The following IMMP2L variants were observed in gnomAD, a reference collection of about 807,000 sequenced individuals.
The protein encoded by IMMP2L is inner mitochondrial membrane peptidase subunit 2.
A neutral mutation model predicts 19.3 loss-of-function variants in IMMP2L; 18 were observed. The observed-to-expected ratio is 0.93, with a 90% CI of 0.64 to 1.38. IMMP2L has a LOEUF of 1.38. Ranked by LOEUF, IMMP2L falls within the 40% of genes most tolerant of loss-of-function variation. IMMP2L has a pLI of 0.00. For synonymous variants in IMMP2L, 76 were observed against 73.0 expected (o/e 1.04, Z -0.21); for missense variants, 233 against 218.2 (o/e 1.07, Z -0.43).
In IMMP2L at chr7:110,877,932, C is replaced by A. The variant is rs558422360; in HGVS notation, c.408+8661G>T. On this transcript the variant is annotated intron_variant, in intron 5 of 5. Coordinates refer to ENST00000405709, the MANE Select transcript of IMMP2L (RefSeq NM_032549.4). The surrounding 1 kb of genome is among the most constrained non-coding windows in gnomAD (Gnocchi z 4.0). ...AATAAAAAACAAAAAACAAAAAGCA[C>A]AATGGATTGATTCCAAATGCCATGA... is the stretch of plus-strand genomic sequence containing the variant. Among the ~76,000 whole-genome samples the A allele has an allele frequency of 2.0e-5, 3 of 152,076 alleles. No individual in the cohort carries two copies. The highest frequency in any genetic ancestry group is 4.4e-5 in the Non-Finnish European group (3 of 67,994).
intron 4 of IMMP2L, among the ~76,000 whole-genome samples, chr7:110,952,720 A>G (rs945275845): frequency 3.9e-5 from 6 of 152,232 alleles, no homozygotes; most frequent in Non-Finnish European, 5.9e-5. Context: ...GATTCTTCCT[A>G]TTTAAGCTAA....
At chr7:111,491,928 G>A (rs1843142931) in intron 2 of IMMP2L, among the ~76,000 whole-genome samples, 1 of 151,582 alleles carries the variant, frequency 6.6e-6, no homozygotes, top group Admixed American at 6.6e-5. Flanking sequence ...AATAGTGAAG[G>A]AACAAAAGGT....
intron 5 of IMMP2L, among the ~76,000 whole-genome samples, chr7:110,693,055 G>C (rs953365559): frequency 2.0e-4 from 31 of 152,160 alleles, no homozygotes; most frequent in African/African-American, 7.5e-4. Context: ...ATTCAAGTTT[G>C]AGATCAACTG....
chr7:111,433,097 A>G (rs888329776), intron 3 of IMMP2L, among the ~76,000 whole-genome samples: 1 of 151,794 alleles, frequency 6.6e-6, no homozygotes, highest in Admixed American at 6.6e-5. Flanking sequence ...CAATTGGCTC[A>G]CAGTTCTGCA....
At chr7:110,940,867 T>G (rs1411594797) in intron 4 of IMMP2L, among the ~76,000 whole-genome samples, 1 of 152,136 alleles carries the variant, frequency 6.6e-6, no homozygotes, top group African/African-American at 2.4e-5. Flanking sequence ...ATGAAAGAAC[T>G]TGCAAAGTCT....
At chr7:110,719,905 T>C (rs549345536) in intron 5 of IMMP2L, among the ~76,000 whole-genome samples, 3 of 152,190 alleles carry the variant, frequency 2.0e-5, no homozygotes, top group Non-Finnish European at 4.4e-5. Flanking sequence ...CTAGCCAAAA[T>C]ATCAAGTAAA....
intron 3 of IMMP2L, among the ~76,000 whole-genome samples, chr7:111,037,340 C>T (rs12540013): frequency 0.48 from 72,734 of 151,756 alleles, 18,545 homozygotes; most frequent in Non-Finnish European, 0.58. Flanking sequence ...GGAATGCAAC[C>T]GATAAGATAT....
chr7:111,478,087 C>T lies in IMMP2L; in HGVS notation c.239+9151G>A, dbSNP rs369836720. On this transcript the variant is annotated intron_variant, in intron 3 of 5. Transcript: ENST00000405709. ...TGCTTCTTCCTCAATTCCTACTCTC[C>T]TATTCTCCTGGGACTCCAATTAGAT... Among the ~76,000 whole-genome samples the T allele has an allele frequency of 1.6e-4, 25 of 152,192 alleles. No homozygotes were observed. The South Asian group carries it at 5.0e-3, about 30-fold the overall frequency.
intron 3 of IMMP2L, among the ~76,000 whole-genome samples, chr7:111,040,593 A>G (rs1160046014): frequency 6.6e-6 from 1 of 150,896 alleles, no homozygotes; most frequent in East Asian, 1.9e-4. Flanking sequence ...ATTAGATATA[A>G]ATATCAGGTA....
At chr7:110,907,070 TG>T (rs1812539785) in intron 4 of IMMP2L, among the ~76,000 whole-genome samples, 1 of 149,438 alleles carries the variant, frequency 6.7e-6, no homozygotes, top group Non-Finnish European at 1.5e-5. Context: ...GGATGGGGGT[TG>T]GGGGTGCCCA....
At chr7:110,713,464 T>A (rs1212722139) in intron 5 of IMMP2L, among the ~76,000 whole-genome samples, 1 of 152,226 alleles carries the variant, frequency 6.6e-6, no homozygotes, top group East Asian at 1.9e-4. Flanking sequence ...ATTGGTAGTT[T>A]GATAGGAATA....
intron 3 of IMMP2L, among the ~76,000 whole-genome samples, chr7:111,104,629 G>C (rs2129580986): frequency 6.6e-6 from 1 of 151,824 alleles, no homozygotes; most frequent in African/African-American, 2.4e-5. Context: ...TAGTCTTTTT[G>C]ATTCGGGGAG....
intron 3 of IMMP2L, among the ~76,000 whole-genome samples, chr7:111,010,037 T>A (rs1585727453): frequency 6.6e-6 from 1 of 152,150 alleles, no homozygotes; most frequent in East Asian, 1.9e-4. Flanking sequence ...GAGTCCTAAT[T>A]GAACAGTTAT....
chr7:111,477,490 A>T (rs1371189145), intron 3 of IMMP2L, among the ~76,000 whole-genome samples: 3 of 151,880 alleles, frequency 2.0e-5, no homozygotes, highest in African/African-American at 7.3e-5. Flanking sequence ...CTAGATTGAC[A>T]TTTTTTTTCC....
At chr7:111,167,980 G>T (rs1394748806) in intron 3 of IMMP2L, among the ~76,000 whole-genome samples, 1 of 151,830 alleles carries the variant, frequency 6.6e-6, no homozygotes, top group African/African-American at 2.4e-5. Context: ...TGTTGTTGGT[G>T]TTGTTTTTAC....
intron 1 of IMMP2L, among the ~76,000 whole-genome samples, chr7:111,527,857 T>C (rs1847029105): frequency 6.6e-6 from 1 of 151,410 alleles, no homozygotes; most frequent in Non-Finnish European, 1.5e-5. Flanking sequence ...TGTCTCAATC[T>C]GATATGTGCT....
intron 5 of IMMP2L, among the ~76,000 whole-genome samples, chr7:110,815,752 G>A (rs565998633): frequency 9.9e-5 from 15 of 152,158 alleles, no homozygotes; most frequent in South Asian, 8.3e-4. Flanking sequence ...GTTTATTTGC[G>A]TAGAAGTGTT....
intron 5 of IMMP2L, among the ~76,000 whole-genome samples, chr7:110,797,328 G>A (rs1800931883): frequency 6.6e-6 from 1 of 151,986 alleles, no homozygotes; most frequent in Admixed American, 6.6e-5. Context: ...TAGAACATAT[G>A]TGTAGTAGAG....
At chr7:111,417,824 TTTTTC>T (rs751360963) in intron 3 of IMMP2L, among the ~76,000 whole-genome samples, 29 of 151,892 alleles carry the variant, frequency 1.9e-4, no homozygotes, top group Non-Finnish European at 2.6e-4. Context: ...AGACATTTCT[TTTTTC>T]TTTTTGATGG....
Sources: allele counts gnomAD v4.1 joint callset (sites outside exome capture counted in the v4.1 genomes callset), GRCh38; gene constraint gnomAD v4.1.1; non-coding constraint Gnocchi (gnomAD v3.1); transcripts MANE v1.5; gene names NCBI Gene and HGNC (gene_info 2026-07-23, HGNC 2026-07-21).